Variants in SLC35F3 observed in about 807,000 individuals in gnomAD.
The protein encoded by SLC35F3 is solute carrier family 35 member F3.
SLC35F3 carries 25 observed loss-of-function variants against 49.9 expected under a neutral mutation model. The ratio of observed to expected loss-of-function variants is 0.50; its 90% CI spans 0.37 to 0.70. The LOEUF is 0.70. Ranked by LOEUF, SLC35F3 falls within the 30% of genes least tolerant of loss-of-function variation. The pLI is 0.00. For missense variants in SLC35F3, 525 were observed against 639.8 expected, an observed-to-expected ratio of 0.82 and a Z score of 1.94; for synonymous variants, 275 against 265.4, an observed-to-expected ratio of 1.04 and a Z score of -0.35.
intron 2 of SLC35F3, among the ~76,000 whole-genome samples, chr1:234,105,991 C>T (rs1665279569): frequency 6.6e-6 from 1 of 152,196 alleles, no homozygotes; most frequent in Non-Finnish European, 1.5e-5. Flanking sequence ...AGCAAAGAAA[C>T]TGTAGGGCAG....
intron 2 of SLC35F3, among the ~76,000 whole-genome samples, chr1:234,197,067 G>A (rs1052220430): frequency 6.6e-6 from 1 of 152,226 alleles, no homozygotes; most frequent in Non-Finnish European, 1.5e-5. Context: ...TAATGCAGAG[G>A]TGACTGGGCA....
intron 2 of SLC35F3, among the ~76,000 whole-genome samples, chr1:234,226,328 C>T (rs1050411934): frequency 2.0e-5 from 3 of 152,084 alleles, no homozygotes; most frequent in Non-Finnish European, 2.9e-5. Flanking sequence ...GATCCCCGCT[C>T]TGGGTCCCTT....
intron 2 of SLC35F3, among the ~76,000 whole-genome samples, chr1:233,945,959 T>C (rs1396753052): frequency 1.3e-5 from 2 of 152,218 alleles, no homozygotes; most frequent in African/African-American, 4.8e-5. Flanking sequence ...GCTACCACTT[T>C]GGGGCCAAAC....
intron 2 of SLC35F3, among the ~76,000 whole-genome samples, chr1:234,146,487 T>TTTC (rs1553309516): frequency 1.5e-5 from 2 of 134,250 alleles, no homozygotes; most frequent in African/African-American, 5.9e-5. Context: ...TGCTCTTTTT[T>TTTC]TTTTTTTTTT....
intron 2 of SLC35F3, among the ~76,000 whole-genome samples, chr1:234,193,910 T>G (rs1345017462): frequency 6.6e-6 from 1 of 152,208 alleles, no homozygotes; most frequent in Non-Finnish European, 1.5e-5. Context: ...ATCTTACTCC[T>G]GCAAGAATAG....
chr1:234,009,757 A>AC (rs1463201264), intron 2 of SLC35F3, among the ~76,000 whole-genome samples: 1 of 152,222 alleles, frequency 6.6e-6, no homozygotes, highest in African/African-American at 2.4e-5. Flanking sequence ...AAAAAAAATC[A>AC]GTCTTTATCA....
At chr1:234,127,609 A>T (rs1313127719) in intron 2 of SLC35F3, among the ~76,000 whole-genome samples, 1 of 152,168 alleles carries the variant, frequency 6.6e-6, no homozygotes, top group Non-Finnish European at 1.5e-5. Context: ...GTGTTTTTTT[A>T]ATGTAAGAGA....
chr1:234,223,615 G>T (rs1667242241), intron 2 of SLC35F3, among the ~76,000 whole-genome samples: 1 of 152,134 alleles, frequency 6.6e-6, no homozygotes, highest in Non-Finnish European at 1.5e-5. Context: ...ACCCAATAAA[G>T]TTATTTATTC....
chr1:234,134,952 C>G (rs552241716), intron 2 of SLC35F3, among the ~76,000 whole-genome samples: 1 of 152,146 alleles, frequency 6.6e-6, no homozygotes, highest in South Asian at 2.1e-4. Context: ...AACTCCTGAC[C>G]TCAGTGATCC....
chr1:233,994,403 T>C (rs975254500), intron 2 of SLC35F3, among the ~76,000 whole-genome samples: 2 of 152,178 alleles, frequency 1.3e-5, no homozygotes, highest in Non-Finnish European at 2.9e-5. Context: ...TTGCTACAAC[T>C]CAAGAGTGCA....
At chr1:234,254,363 T>C (rs538215033) in intron 3 of SLC35F3, among the ~76,000 whole-genome samples, 90 of 152,364 alleles carry the variant, frequency 5.9e-4, no homozygotes, top group African/African-American at 2.1e-3. Context: ...GCATTGGGCC[T>C]CTTCTTTCCA....
At chr1:234,218,557 AGGG>A (rs1164866820) in intron 2 of SLC35F3, among the ~76,000 whole-genome samples, 3 of 152,272 alleles carry the variant, frequency 2.0e-5, no homozygotes, top group Middle Eastern at 3.4e-3. Flanking sequence ...TCCCTAAGCA[AGGG>A]TAAGTATTGT....
chr1:234,265,975 A>C (rs1256431081), intron 3 of SLC35F3, among the ~76,000 whole-genome samples: 2 of 152,108 alleles, frequency 1.3e-5, no homozygotes, highest in East Asian at 3.9e-4. Context: ...GCCTTTGCTC[A>C]AATATCACCC....
rs192463398 is a variant in SLC35F3 at position 234,122,785 on chromosome 1, A to G, written c.284-108632A>G. ...GCAGCTTCATCATCCACGTCCCTGC[A>G]AAGGACATGATCTCATTCTTTTTTA... On this transcript the variant is annotated intron_variant, in intron 2 of 7. Coordinates refer to ENST00000366618, the MANE Select transcript of SLC35F3 (RefSeq NM_173508.4). 3.3e-5 allele frequency among the ~76,000 whole-genome samples: 5 copies of G among 152,344 alleles called. No homozygotes were observed. In the East Asian group the frequency reaches 7.7e-4, roughly 23 times the overall value.
At chr1:234,294,841 C>T (rs1668566886) in intron 3 of SLC35F3, among the ~76,000 whole-genome samples, 1 of 151,720 alleles carries the variant, frequency 6.6e-6, no homozygotes, top group African/African-American at 2.4e-5. Context: ...CATGATAGAG[C>T]TCTGTGGAGG....
At chr1:234,071,560 A>G (rs1181022582) in intron 2 of SLC35F3, among the ~76,000 whole-genome samples, 1 of 152,242 alleles carries the variant, frequency 6.6e-6, no homozygotes, top group Non-Finnish European at 1.5e-5. Context: ...TTAATGGGTT[A>G]AACAGAAATT....
intron 2 of SLC35F3, among the ~76,000 whole-genome samples, chr1:234,004,223 A>G (rs529796958): frequency 6.6e-6 from 1 of 152,324 alleles, no homozygotes; most frequent in East Asian, 1.9e-4. Context: ...GGATGTATAA[A>G]TAAAATATAC....
At chr1:234,005,433 C>G (rs1404811957) in intron 2 of SLC35F3, among the ~76,000 whole-genome samples, 2 of 152,112 alleles carry the variant, frequency 1.3e-5, no homozygotes, top group Non-Finnish European at 2.9e-5. Flanking sequence ...TGGATTGTTT[C>G]CCTGCCTCCT....
chr1:233,983,199 C>T (rs1663214132), intron 2 of SLC35F3, among the ~76,000 whole-genome samples: 2 of 152,142 alleles, frequency 1.3e-5, no homozygotes. Context: ...TATCTCTCAA[C>T]AATCAGAAAA....
Sources: allele counts gnomAD v4.1 joint callset (sites outside exome capture counted in the v4.1 genomes callset), GRCh38; gene constraint gnomAD v4.1.1; transcripts MANE v1.5; gene names NCBI Gene and HGNC (gene_info 2026-07-23, HGNC 2026-07-21).